Variants in YTHDF2 observed in about 807,000 individuals in gnomAD.
YTHDF2 encodes the protein YTH domain-containing family protein 2.
A neutral mutation model predicts 50.4 loss-of-function variants in YTHDF2; 2 were observed. The ratio of observed to expected loss-of-function variants is 0.04; its 90% CI spans 0.02 to 0.12. The LOEUF (loss-of-function observed/expected upper bound fraction) is 0.12, where lower values mean the gene tolerates loss of function less well. YTHDF2 is among the 10% of genes least tolerant of loss of function. The probability of loss-of-function intolerance (pLI) is 1.00; values close to 1 mark genes in which losing one functional copy is unlikely to be tolerated. For synonymous variants in YTHDF2, 217 were observed against 255.6 expected, an observed-to-expected ratio of 0.85 and a Z score of 1.44; for missense variants, 483 against 722.6, an observed-to-expected ratio of 0.67 and a Z score of 3.80.
rs371730633 is a variant in YTHDF2 at position 28,749,986 on chromosome 1, GTTTTTTTTTT to G, written c.1716+6012_1716+6021del. Among the ~76,000 whole-genome samples the G allele has an allele frequency of 1.3e-3, 98 of 78,338 alleles. 1 individual carries two copies. In the South Asian group the frequency reaches 0.033, roughly 26 times the overall value. The allele number at this position is 78,338 out of a possible 152,430, so 51.4% of individuals were successfully genotyped here. Reference sequence around the variant, plus strand: ...ATTGAAATTTTTGAAAAAAAAGGTTGTTTTTTTTTTTTTTTTTTTTTGAGATGGAGTTTCA... The same window carrying G: ...ATTGAAATTTTTGAAAAAAAAGGTTGTTTTTTTTTTTGAGATGGAGTTTCA... On this transcript the variant is annotated intron_variant, in intron 4 of 4. Transcript: ENST00000373812.
At chr1:28,738,194 A>G (rs893593384) in intron 2 of YTHDF2, 65 bp from the exon 3 acceptor site, 2 of 1,325,280 alleles carry the variant, frequency 1.5e-6, no homozygotes, top group African/African-American at 1.4e-5. Flanking sequence ...GTTAGCATAT[A>G]TGAACTAATT....
intron 4 of YTHDF2, among the ~76,000 whole-genome samples, chr1:28,762,581 T>G (rs539875486): frequency 1.3e-5 from 2 of 152,316 alleles, no homozygotes; most frequent in South Asian, 4.1e-4. Context: ...GTTAATAAAA[T>G]TATATCCAGG....
chr1:28,746,712 A>G (rs181196672), intron 4 of YTHDF2, among the ~76,000 whole-genome samples: 515 of 151,922 alleles, frequency 3.4e-3, no homozygotes, highest in Non-Finnish European at 5.0e-3. Context: ...GTGAGCTGAG[A>G]TCCTGCCACT....
intron 4 of YTHDF2, among the ~76,000 whole-genome samples, chr1:28,751,110 A>AAAAAAAAAAAGGG (rs1553144757): frequency 1.4e-5 from 2 of 144,410 alleles, no homozygotes; most frequent in African/African-American, 2.6e-5. Context: ...AAAAAAAAAA[A>AAAAAAAAAAAGGG]GGCTGGGCGT....
chr1:28,755,525 A>C (rs1416297334), intron 4 of YTHDF2, among the ~76,000 whole-genome samples: 1 of 152,220 alleles, frequency 6.6e-6, no homozygotes, highest in East Asian at 1.9e-4. Context: ...TTGCAAAGGC[A>C]CATGAGATAC....
chr1:28,744,450 TTC>T (rs1243699343), intron 4 of YTHDF2, among the ~76,000 whole-genome samples: 2 of 152,222 alleles, frequency 1.3e-5, no homozygotes, highest in African/African-American at 4.8e-5. Flanking sequence ...TTGAAATCAC[TTC>T]TGTCTTCCCT....
In YTHDF2 at chr1:28,758,173, C is replaced by T. The variant is rs535061177; in HGVS notation, c.1717-10756C>T. Among the ~76,000 whole-genome samples, 3 of 152,058 alleles carry T rather than the reference C, an allele frequency of 2.0e-5. No individual in the cohort carries two copies. In the South Asian group the frequency reaches 6.2e-4, roughly 32 times the overall value. On this transcript the variant is annotated intron_variant, in intron 4 of 4. Coordinates refer to ENST00000373812, the MANE Select transcript of YTHDF2 (RefSeq NM_016258.3). ...GTAAACCACCTAGGATCACTTGAAC[C>T]TAGAAGTTGGAGACCAGCATGGGCA...
chr1:28,748,677 T>G (rs2087902609), intron 4 of YTHDF2, among the ~76,000 whole-genome samples: 1 of 152,182 alleles, frequency 6.6e-6, no homozygotes, highest in Non-Finnish European at 1.5e-5. Flanking sequence ...AGATGTGACT[T>G]ACTTTTATTT....
chr1:28,737,637 C>T, intron 1 of YTHDF2, 21 bp from the exon 2 acceptor site: 3 of 1,613,702 alleles, frequency 1.9e-6, no homozygotes, highest in East Asian at 2.2e-5. Context: ...TGCTGCTCGG[C>T]GACGTTTCCT....
rs575245146 is a variant in YTHDF2 at position 28,765,669 on chromosome 1, T to A, written c.1717-3260T>A. Among the ~76,000 whole-genome samples the A allele has an allele frequency of 3.9e-5, 6 of 152,166 alleles. No individual in the cohort carries two copies. In the East Asian group the frequency reaches 5.8e-4, roughly 15 times the overall value. On this transcript the variant is annotated intron_variant, in intron 4 of 4. Transcript: ENST00000373812. ...GTCTCACTATGTTGCCCAAGGCTGGTCTTGAACTCCTGGCCTCAAGCACGT... is the reference window on the plus strand; with the variant it reads ...GTCTCACTATGTTGCCCAAGGCTGGACTTGAACTCCTGGCCTCAAGCACGT...
intron 4 of YTHDF2, among the ~76,000 whole-genome samples, chr1:28,765,368 G>A (rs1321023893): frequency 6.6e-6 from 1 of 151,816 alleles, no homozygotes; most frequent in African/African-American, 2.4e-5. Context: ...CTTTTTTGCA[G>A]AAGAAATAAA....
At chr1:28,750,759 T>A (rs541787997) in intron 4 of YTHDF2, among the ~76,000 whole-genome samples, 36 of 151,972 alleles carry the variant, frequency 2.4e-4, no homozygotes, top group Non-Finnish European at 3.2e-4. Context: ...ATATATATAT[T>A]AATGAAAAAT....
intron 4 of YTHDF2, among the ~76,000 whole-genome samples, chr1:28,746,475 C>T (rs766062846): frequency 4.0e-5 from 6 of 151,724 alleles, no homozygotes; most frequent in Non-Finnish European, 8.8e-5. Context: ...GCAGGTGGCT[C>T]ATGCTTGTAA....
At chr1:28,757,961 T>TA (rs1304618947) in intron 4 of YTHDF2, among the ~76,000 whole-genome samples, 2 of 152,286 alleles carry the variant, frequency 1.3e-5, no homozygotes, top group East Asian at 3.9e-4. Flanking sequence ...AATAATCCTG[T>TA]AAAAGAGTGA....
intron 4 of YTHDF2, among the ~76,000 whole-genome samples, chr1:28,755,090 A>G (rs1241362054): frequency 1.3e-5 from 2 of 152,114 alleles, no homozygotes; most frequent in African/African-American, 2.4e-5. Flanking sequence ...GAAACTGGAT[A>G]TGAAGAATGT....
At position 28,737,005 on chromosome 1, in the gene YTHDF2, C is replaced by A. The variant is rs556695713; in HGVS notation, c.-116C>A. The A allele has an allele frequency of 3.0e-6, 4 of 1,316,594 alleles. No individual in the cohort carries two copies. In the African/African-American group the frequency reaches 4.5e-5, roughly 15 times the overall value. 81.6% of individuals were successfully genotyped at this position (1,316,594 alleles called of 1,614,324 possible). A position where few individuals can be genotyped will look rare whatever the true frequency, so the allele number is the denominator to read the frequency against. On this transcript the variant is annotated 5_prime_UTR_variant, in exon 1 of 5. Coordinates refer to ENST00000373812, the MANE Select transcript of YTHDF2 (RefSeq NM_016258.3). ...TGTGTCTCCGCTGCGTCCGCCGAGG[C>A]CCCCGAGTGTCAGGGACAAAAGCCT... is the stretch of plus-strand genomic sequence containing the variant.
At chr1:28,750,366 T>C (rs1032905084) in intron 4 of YTHDF2, among the ~76,000 whole-genome samples, 1 of 152,158 alleles carries the variant, frequency 6.6e-6, no homozygotes, top group Non-Finnish European at 1.5e-5. Flanking sequence ...TGGAGAAATA[T>C]TTTTGTAGAT....
At chr1:28,749,048 T>G (rs1432636470) in intron 4 of YTHDF2, among the ~76,000 whole-genome samples, 1 of 152,200 alleles carries the variant, frequency 6.6e-6, no homozygotes, top group Non-Finnish European at 1.5e-5. Context: ...GTATGTGCTT[T>G]GTGGTCTTGG....
intron 4 of YTHDF2, 102 bp from the exon 5 acceptor site, chr1:28,768,827 T>C: frequency 2.2e-6 from 2 of 893,022 alleles, no homozygotes; most frequent in Non-Finnish European, 3.3e-6. Context: ...CTAATAATTC[T>C]AAATAATTAA....
Sources: allele counts gnomAD v4.1 joint callset (sites outside exome capture counted in the v4.1 genomes callset), GRCh38; gene constraint gnomAD v4.1.1; transcripts MANE v1.5; gene names NCBI Gene and HGNC (gene_info 2026-07-23, HGNC 2026-07-21).